ATL1: variants seen among roughly 807,000 people sequenced by gnomAD.
ATL1 encodes atlastin GTPase 1.
Under a neutral mutation model 75.5 loss-of-function variants are expected in ATL1, and 31 were observed. The observed-to-expected ratio is 0.41, with a 90% CI of 0.31 to 0.55. ATL1 has a LOEUF of 0.55. Among genes scored for constraint, ATL1 ranks in the 20% least tolerant of loss-of-function variants. The probability of loss-of-function intolerance (pLI) is 0.27; values close to 1 mark genes in which losing one functional copy is unlikely to be tolerated. For missense variants in ATL1, 405 were observed against 662.6 expected, an observed-to-expected ratio of 0.61 and a Z score of 4.27; for synonymous variants, 226 against 233.3, an observed-to-expected ratio of 0.97 and a Z score of 0.28.
intron 1 of ATL1, among the ~76,000 whole-genome samples, chr14:50,549,647 T>C (rs1266316475): frequency 6.6e-6 from 1 of 152,140 alleles, no homozygotes; most frequent in East Asian, 1.9e-4. Context: ...CTACGAAGAA[T>C]ATATAATGAT....
At position 50,541,851 on chromosome 14, in the gene ATL1, C is replaced by T. The variant is rs149446620; in HGVS notation, c.-140+8484C>T. Among the ~76,000 whole-genome samples, 27 of 151,240 alleles carry T rather than the reference C, an allele frequency of 1.8e-4. No individual in the cohort carries two copies. In the East Asian group the frequency reaches 5.1e-3, roughly 28 times the overall value. ...GTGAAACCCCATCTCTCTAAAAATACAAAAAATTAGCTGGGTGCGGTGGCG... is the reference window on the plus strand; with the variant it reads ...GTGAAACCCCATCTCTCTAAAAATATAAAAAATTAGCTGGGTGCGGTGGCG... On this transcript the variant is annotated intron_variant, in intron 1 of 13. Transcript: ENST00000441560.
At chr14:50,558,802 A>T (rs983227079), upstream of ATL1, among the ~76,000 whole-genome samples, 1 of 152,220 alleles carries the variant, frequency 6.6e-6, no homozygotes, top group South Asian at 2.1e-4. Flanking sequence ...GTTTATAGGT[A>T]TAAGGATGAG....
chr14:50,578,636 ATTATAC>A (rs1376339008), intron 1 of ATL1, among the ~76,000 whole-genome samples: 1 of 152,136 alleles, frequency 6.6e-6, no homozygotes, highest in Non-Finnish European at 1.5e-5. Context: ...TACACACTGT[ATTATAC>A]TGAGTTATTT....
chr14:50,562,064 A>G (rs2038852213), intron 1 of ATL1, among the ~76,000 whole-genome samples: 1 of 149,446 alleles, frequency 6.7e-6, no homozygotes, highest in Admixed American at 6.6e-5. Flanking sequence ...TTTTTTTTTG[A>G]GATGGAGTCT....
At chr14:50,544,225 T>C (rs977668353) in intron 1 of ATL1, among the ~76,000 whole-genome samples, 1 of 152,210 alleles carries the variant, frequency 6.6e-6, no homozygotes, top group Non-Finnish European at 1.5e-5. Flanking sequence ...CCCCACCAGA[T>C]GAGGTATGAG....
At chr14:50,574,893 T>A in intron 1 of ATL1, among the ~76,000 whole-genome samples, 1 of 143,272 alleles carries the variant, frequency 7.0e-6, no homozygotes. Flanking sequence ...ATGTTTTTCA[T>A]TGTTTTCAAT....
At chr14:50,625,433 C>T (rs74726581) in intron 11 of ATL1, among the ~76,000 whole-genome samples, 231 of 152,268 alleles carry the variant, frequency 1.5e-3, no homozygotes, top group African/African-American at 5.3e-3. Context: ...AAGGTGGCCA[C>T]GGTAAACAGA....
chr14:50,549,342 C>A (rs1187267927), intron 1 of ATL1, among the ~76,000 whole-genome samples: 2 of 152,332 alleles, frequency 1.3e-5, no homozygotes, highest in African/African-American at 4.8e-5. Flanking sequence ...CATCTCCATC[C>A]TCTATGCAGA....
intron 2 of ATL1, 53 bp downstream of exon 2, chr14:50,588,131 C>T: frequency 6.2e-7 from 1 of 1,608,700 alleles, no homozygotes; most frequent in South Asian, 1.1e-5. Flanking sequence ...TCTGTCACTT[C>T]ATGTTTTTAT....
At chr14:50,559,416 G>C (rs1239816213), upstream of ATL1, 5 of 152,188 alleles carry the variant, frequency 3.3e-5, no homozygotes, top group Non-Finnish European at 7.4e-5. Context: ...GGGAAAGATT[G>C]AAAGTATTTT....
At chr14:50,602,066 G>T (rs1240730496) in intron 6 of ATL1, among the ~76,000 whole-genome samples, 2 of 152,180 alleles carry the variant, frequency 1.3e-5, no homozygotes, top group Admixed American at 6.5e-5. Flanking sequence ...CCTTGGGGCA[G>T]GATCCCTACG....
chr14:50,539,210 C>T (rs1419364883), intron 1 of ATL1, among the ~76,000 whole-genome samples: 2 of 152,196 alleles, frequency 1.3e-5, no homozygotes, highest in African/African-American at 4.8e-5. Flanking sequence ...ATCACAATTA[C>T]TCAAACTATC....
Position 50,591,024 on chromosome 14 carries a change from A to G in ATL1, c.366A>G (p.Gly122=), listed in dbSNP as rs781212529. 6.2e-7 allele frequency: 1 copy of G among 1,613,664 alleles called. No homozygotes were observed. The highest frequency in any genetic ancestry group is 8.5e-7 in the Non-Finnish European group (1 of 1,179,682). ...WRGGSERETT[G]IQIWSEIFLI... ...GTGGATCTGAGCGAGAGACCACAGG[A>G]ATTCAGATATGGAGTGAAATCTTCC... The change falls in exon 3 of 14, where the codon GGA becomes GGG. Residue 122 remains glycine (G), a synonymous_variant. Coordinates refer to ENST00000358385, the MANE Select transcript of ATL1 (RefSeq NM_015915.5).
upstream of ATL1, among the ~76,000 whole-genome samples, chr14:50,555,161 A>C (rs562285438): frequency 1.2e-4 from 18 of 152,362 alleles, no homozygotes; most frequent in South Asian, 3.3e-3. Context: ...TATGGCTAGA[A>C]TGAAAATGTG....
intron 8 of ATL1, among the ~76,000 whole-genome samples, chr14:50,619,208 C>A (rs538226231): frequency 5.3e-5 from 8 of 152,264 alleles, no homozygotes; most frequent in African/African-American, 1.9e-4. Context: ...ATATGCCACC[C>A]ACGCCTGGCT....
intron 1 of ATL1, among the ~76,000 whole-genome samples, chr14:50,534,684 G>T (rs559965310): frequency 6.6e-6 from 1 of 152,274 alleles, no homozygotes; most frequent in East Asian, 1.9e-4. Flanking sequence ...TCTATGTGGT[G>T]GTTAAAAAGT....
chr14:50,623,384 C>CGT, intron 11 of ATL1, 136 bp downstream of exon 11: 1 of 697,640 alleles, frequency 1.4e-6, no homozygotes, highest in Non-Finnish European at 2.6e-6. Flanking sequence ...GCCTGTATCA[C>CGT]GTCTATTTAT....
At chr14:50,619,634 TG>T (rs1305431124) in intron 8 of ATL1, among the ~76,000 whole-genome samples, 1 of 152,260 alleles carries the variant, frequency 6.6e-6, no homozygotes, top group African/African-American at 2.4e-5. Flanking sequence ...TGCTACAGCT[TG>T]GGTTATGTGT....
At chr14:50,620,761 G>C in intron 9 of ATL1, 35 bp downstream of exon 9, 1 of 1,609,848 alleles carries the variant, frequency 6.2e-7, no homozygotes, top group Non-Finnish European at 8.5e-7. Context: ...TCGTGGGATA[G>C]ATTTGACATA....
Sources: allele counts gnomAD v4.1 joint callset (sites outside exome capture counted in the v4.1 genomes callset), GRCh38; gene constraint gnomAD v4.1.1; transcripts MANE v1.5; gene names NCBI Gene and HGNC (gene_info 2026-07-23, HGNC 2026-07-21).